The following PCLO variants were observed in gnomAD, a reference collection of about 807,000 sequenced individuals.
PCLO encodes the protein piccolo presynaptic cytomatrix protein, also known as protein piccolo.
Under a neutral mutation model 427.5 loss-of-function variants are expected in PCLO, and 82 were observed. The ratio of observed to expected loss-of-function variants is 0.19; its 90% CI spans 0.16 to 0.23. PCLO has a LOEUF of 0.23. PCLO is among the 10% of genes least tolerant of loss of function. PCLO has a pLI of 1.00. For missense variants in PCLO, 6,239 were observed against 6,115.9 expected (o/e 1.02, Z -0.67); for synonymous variants, 2,357 against 2,155.4 (o/e 1.09, Z -2.59).
chr7:82,921,325 C>A (rs1301739888), intron 6 of PCLO, among the ~76,000 whole-genome samples: 1 of 151,632 alleles, frequency 6.6e-6, no homozygotes, highest in Non-Finnish European at 1.5e-5. Flanking sequence ...AAGCTAGGGG[C>A]ATTATACTAT....
intron 3 of PCLO, among the ~76,000 whole-genome samples, chr7:83,061,052 G>A (rs917928578): frequency 1.3e-5 from 2 of 152,212 alleles, no homozygotes; most frequent in South Asian, 2.1e-4. Flanking sequence ...AGTTTCTAGT[G>A]GTGTGTAAAA....
intron 6 of PCLO, among the ~76,000 whole-genome samples, chr7:82,945,422 T>C (rs1795180855): frequency 6.6e-6 from 1 of 152,086 alleles, no homozygotes. Flanking sequence ...TATATTGGAG[T>C]CTTAACCCTT....
At chr7:83,081,235 C>T (rs1411849475) in intron 3 of PCLO, among the ~76,000 whole-genome samples, 2 of 151,894 alleles carry the variant, frequency 1.3e-5, no homozygotes, top group African/African-American at 4.8e-5. Flanking sequence ...AAACTTTGTA[C>T]TACAAGACCA....
chr7:82,845,562 G>C, intron 12 of PCLO, 77 bp from the exon 13 acceptor site: 1 of 934,480 alleles, frequency 1.1e-6, no homozygotes, highest in South Asian at 1.4e-5. Context: ...GTGAGTTCTA[G>C]GTGACAAAGG....
At chr7:83,058,217 T>G (rs1461447158) in intron 3 of PCLO, among the ~76,000 whole-genome samples, 1 of 152,194 alleles carries the variant, frequency 6.6e-6, no homozygotes, top group Non-Finnish European at 1.5e-5. Flanking sequence ...ATCAGGACAG[T>G]TTGCCTCAGA....
At position 82,953,932 on chromosome 7, in the gene PCLO, C is replaced by A. The variant is rs376170784; in HGVS notation, c.7021G>T (p.Asp2341Tyr). The A allele has an allele frequency of 1.7e-5, 27 of 1,613,746 alleles. No homozygotes were observed. The African/African-American group carries it at 2.9e-4, about 18-fold the overall frequency. ...GCTATTACAGAAGAAGGTGGGTGAT[C>A]AAACACGGTTTCGGATAAGCTACTT... ...TKSSLSETVF[D>Y]HPPSSVIALP... Residue 2341 changes from aspartate to tyrosine, a missense_variant, in exon 5 of 25, where the codon GAT becomes TAT. This residue lies in a region of PCLO where 4,677 missense variants were observed against 4,468.4 expected (regional missense o/e 1.05). Transcript: ENST00000333891.
chr7:82,829,686 T>C (rs1792043875), intron 16 of PCLO, among the ~76,000 whole-genome samples: 1 of 152,138 alleles, frequency 6.6e-6, no homozygotes, highest in Non-Finnish European at 1.5e-5. Flanking sequence ...TTTGTCAATA[T>C]CTAGTGAAGT....
At chr7:83,109,888 C>T (rs1216234408) in intron 3 of PCLO, among the ~76,000 whole-genome samples, 3 of 151,736 alleles carry the variant, frequency 2.0e-5, no homozygotes, top group Admixed American at 2.0e-4. Context: ...AACATTACAT[C>T]AAATTTTTGA....
intron 2 of PCLO, among the ~76,000 whole-genome samples, 172 bp from the exon 3 acceptor site, chr7:83,135,828 G>T (rs1177192606): frequency 6.6e-6 from 1 of 152,100 alleles, no homozygotes; most frequent in Non-Finnish European, 1.5e-5. Context: ...TGCCAGGCGT[G>T]GTGGCTCATG....
intron 24 of PCLO, 81 bp downstream of exon 24, chr7:82,760,558 T>C: frequency 1.1e-6 from 1 of 890,694 alleles, no homozygotes; most frequent in Non-Finnish European, 1.7e-6. Context: ...ATGATCAGTA[T>C]ATAAATATTG....
At chr7:82,787,442 A>T (rs1791008936) in intron 22 of PCLO, among the ~76,000 whole-genome samples, 1 of 152,130 alleles carries the variant, frequency 6.6e-6, no homozygotes, top group Non-Finnish European at 1.5e-5. Context: ...CAATAATTTC[A>T]TCTCATTCTA....
At chr7:83,121,800 G>A (rs1203999190) in intron 3 of PCLO, among the ~76,000 whole-genome samples, 1 of 151,986 alleles carries the variant, frequency 6.6e-6, no homozygotes, top group Non-Finnish European at 1.5e-5. Flanking sequence ...AATGATAAAC[G>A]ATTCAATTAA....
chr7:82,955,936 T>C lies in PCLO; in HGVS notation c.5017A>G (p.Asn1673Asp). Reference protein sequence around the residue: ...GLRRFKTIELNSTIADKYSAE... With the variant: ...GLRRFKTIELDSTIADKYSAE... ...GAATATTTATCTGCTATTGTACTGT[T>C]GAGCTCAATTGTTTTAAATCGGCGT... Residue 1673 changes from asparagine (N) to aspartate (D), a missense_variant, in exon 5 of 25, where the codon AAC (asparagine) becomes GAC (aspartate). Around this residue, in one of 5 missense-constraint regions of PCLO, gnomAD observed 4,677 missense variants for 4,468.4 expected, o/e 1.05. Coordinates refer to ENST00000333891, the MANE Select transcript of PCLO (RefSeq NM_033026.6). 1.2e-6 allele frequency: 2 copies of C among 1,613,914 alleles called. No homozygotes were observed. Among genetic ancestry groups the C allele is most frequent in the Non-Finnish European group, 1.7e-6 (2 of 1,179,862 alleles).
At chr7:82,839,184 G>A (rs1792304928) in intron 14 of PCLO, among the ~76,000 whole-genome samples, 1 of 151,940 alleles carries the variant, frequency 6.6e-6, no homozygotes, top group African/African-American at 2.4e-5. Flanking sequence ...GAGTGGAAGG[G>A]ATCCATATTT....
intron 20 of PCLO, among the ~76,000 whole-genome samples, chr7:82,811,357 C>G (rs919432258): frequency 6.6e-6 from 1 of 151,482 alleles, no homozygotes; most frequent in Non-Finnish European, 1.5e-5. Flanking sequence ...CTGTCCATCC[C>G]TCTTTCCTTT....
chr7:83,077,573 CCACAAATAAAAATGCTTAAGGAATA>C (rs1789988120), intron 3 of PCLO, among the ~76,000 whole-genome samples: 1 of 151,990 alleles, frequency 6.6e-6, no homozygotes, highest in Admixed American at 6.6e-5. Flanking sequence ...ATAACTCTAA[CCACAAATAAAAATGCTTAAGGAATA>C]CATGCATTAT....
chr7:83,000,694 G>A (rs1787801310), intron 3 of PCLO, among the ~76,000 whole-genome samples: 1 of 152,002 alleles, frequency 6.6e-6, no homozygotes, highest in South Asian at 2.1e-4. Context: ...GTCCTGCTGT[G>A]TGGCCAAGTT....
At chr7:83,005,318 G>C (rs917657296) in intron 3 of PCLO, among the ~76,000 whole-genome samples, 4 of 151,504 alleles carry the variant, frequency 2.6e-5, no homozygotes, top group African/African-American at 9.7e-5. Context: ...GACAGAAACA[G>C]GATGAAAAAT....
chr7:82,786,546 C>T (rs1420748006), intron 22 of PCLO, among the ~76,000 whole-genome samples: 4 of 152,022 alleles, frequency 2.6e-5, no homozygotes, highest in Non-Finnish European at 2.9e-5. Flanking sequence ...GATTCTAGAT[C>T]GTATTTTGCA....
Sources: allele counts gnomAD v4.1 joint callset (sites outside exome capture counted in the v4.1 genomes callset), GRCh38; gene constraint gnomAD v4.1.1; regional missense constraint gnomAD v4.1.1; transcripts MANE v1.5; gene names NCBI Gene and HGNC (gene_info 2026-07-23, HGNC 2026-07-21).